The following DOCK7 variants were observed in gnomAD, a reference collection of about 807,000 sequenced individuals.
DOCK7 encodes dedicator of cytokinesis protein 7.
A neutral mutation model predicts 271.0 loss-of-function variants in DOCK7; 138 were observed. That is an observed-to-expected ratio of 0.51 (90% CI 0.44 to 0.59). The LOEUF is 0.59. Ranked by LOEUF, DOCK7 falls within the 20% of genes least tolerant of loss-of-function variation. The pLI is 0.00. For synonymous variants in DOCK7, 823 were observed against 876.1 expected, an observed-to-expected ratio of 0.94 and a Z score of 1.07; for missense variants, 2,066 against 2,592.4, an observed-to-expected ratio of 0.80 and a Z score of 4.41.
At chr1:62,643,546 A>G (rs1656290717) in intron 7 of DOCK7, among the ~76,000 whole-genome samples, 1 of 152,132 alleles carries the variant, frequency 6.6e-6, no homozygotes, top group South Asian at 2.1e-4. Flanking sequence ...CGCTTTTAAT[A>G]CAGTTTCTTG....
chr1:62,493,696 G>C (rs1004688313), intron 40 of DOCK7, among the ~76,000 whole-genome samples: 1 of 152,050 alleles, frequency 6.6e-6, no homozygotes, highest in Non-Finnish European at 1.5e-5. Context: ...TTTGCATTCT[G>C]ATTTCATCAG....
intron 7 of DOCK7, among the ~76,000 whole-genome samples, chr1:62,639,426 C>CTTTTTTTTT (rs386367151): frequency 4.0e-5 from 3 of 75,862 alleles, no homozygotes; most frequent in African/African-American, 1.8e-4. Context: ...TTGTAATACT[C>CTTTTTTTTT]TTTTTTTTTT....
chr1:62,601,265 C>G, intron 14 of DOCK7: 1 of 1,083,740 alleles, frequency 9.2e-7, no homozygotes, highest in Non-Finnish European at 1.4e-6. Flanking sequence ...AGGACTTGTT[C>G]TAGACTAAAA....
rs180990501 is a variant in DOCK7 at position 62,571,469 on chromosome 1, T to A, written c.2112+5793A>T. Among the ~76,000 whole-genome samples, 50 of 152,292 alleles carry A rather than the reference T, an allele frequency of 3.3e-4. 1 individual carries two copies. Among genetic ancestry groups the A allele is most frequent in the Admixed American group, 3.3e-3 (50 of 15,302 alleles). Reference sequence around the variant, plus strand: ...ACTGTTGGTGGGAGGGTAAATTAGTTCAATAATTGTGGAAAACATTGTGGA... The same window carrying A: ...ACTGTTGGTGGGAGGGTAAATTAGTACAATAATTGTGGAAAACATTGTGGA... On this transcript the variant is annotated intron_variant, in intron 18 of 49. Transcript: ENST00000635253.
intron 1 of DOCK7, among the ~76,000 whole-genome samples, chr1:62,684,110 A>G (rs1400335735): frequency 6.6e-6 from 1 of 151,850 alleles, no homozygotes; most frequent in African/African-American, 2.4e-5. Flanking sequence ...CGTGGTGACG[A>G]GGACAGGAGA....
chr1:62,638,557 TTTTTCATGAATATATA>T lies in DOCK7; in HGVS notation c.819-1970_819-1955del, dbSNP rs1249237331. Reference sequence around the variant, plus strand: ...TATATATTTTCATGAATATATATATTTTTTCATGAATATATATTTTCATGAATATATATTTTCATGA... The same window carrying T: ...TATATATTTTCATGAATATATATATTTTTTCATGAATATATATTTTCATGA... On this transcript the variant is annotated intron_variant, in intron 7 of 49. Coordinates refer to ENST00000635253, the MANE Select transcript of DOCK7 (RefSeq NM_001367561.1). Among the ~76,000 whole-genome samples the T allele has an allele frequency of 4.7e-3, 690 of 146,306 alleles. 2 individuals are homozygous for T. The highest frequency in any genetic ancestry group is 0.011 in the African/African-American group (434 of 40,302).
intron 27 of DOCK7, among the ~76,000 whole-genome samples, chr1:62,538,328 A>G (rs1339085259): frequency 6.6e-6 from 1 of 152,224 alleles, no homozygotes; most frequent in Non-Finnish European, 1.5e-5. Flanking sequence ...TACTTCTCAT[A>G]AAACAGGGAA....
intron 14 of DOCK7, among the ~76,000 whole-genome samples, chr1:62,586,838 T>C (rs183353223): frequency 3.7e-4 from 57 of 152,218 alleles, no homozygotes; most frequent in Middle Eastern, 6.8e-3. Context: ...GCAGATAAAT[T>C]GAGATTCAGA....
rs139197920 is a variant in DOCK7, at chr1:62,455,487, T to C, written c.6381-31A>G. ...AAAAAAATGAGAGGACATAGTTAGT[T>C]AAAGAGAACAATTTTTGCATATACC... On this transcript the variant is annotated intron_variant, in intron 49 of 49. Coordinates refer to ENST00000635253, the MANE Select transcript of DOCK7 (RefSeq NM_001367561.1). The C allele has an allele frequency of 2.5e-6, 4 of 1,606,590 alleles. No individual in the cohort carries two copies. The East Asian group carries it at 8.9e-5, about 36-fold the overall frequency.
At chr1:62,656,802 CG>C (rs988214118) in intron 2 of DOCK7, among the ~76,000 whole-genome samples, 1 of 103,128 alleles carries the variant, frequency 9.7e-6, no homozygotes, top group Non-Finnish European at 2.0e-5. Flanking sequence ...GTGGGAGGGC[CG>C]GGGGGTGGGG....
intron 37 of DOCK7, among the ~76,000 whole-genome samples, chr1:62,498,053 A>G (rs2149306346): frequency 6.6e-6 from 1 of 150,802 alleles, no homozygotes. Context: ...ACTGAGGCCC[A>G]AAGTTTGAGA....
At chr1:62,468,569 C>T (rs1173466281) in intron 48 of DOCK7, among the ~76,000 whole-genome samples, 1 of 152,022 alleles carries the variant, frequency 6.6e-6, no homozygotes. Context: ...CCAGAGCAAT[C>T]AGACAAGAGA....
rs773760383 is a variant in DOCK7 at position 62,622,293 on chromosome 1, C to G, written c.1426-2300G>C. Among the ~76,000 whole-genome samples, 27 of 152,100 alleles carry G rather than the reference C, an allele frequency of 1.8e-4. 1 individual carries two copies. The highest frequency in any genetic ancestry group is 2.9e-5 in the Non-Finnish European group (2 of 68,016). ...GTTCACTGGAGTAGTCTAGCTGATA[C>G]CCTTTCCTCTACATTGGTTGTTTAC... On this transcript the variant is annotated intron_variant, in intron 12 of 49. Coordinates refer to ENST00000635253, the MANE Select transcript of DOCK7 (RefSeq NM_001367561.1).
At chr1:62,473,261 C>G (rs1645880327) in intron 48 of DOCK7, among the ~76,000 whole-genome samples, 2 of 152,076 alleles carry the variant, frequency 1.3e-5, no homozygotes, top group African/African-American at 2.4e-5. Flanking sequence ...CCTGGAAAAG[C>G]ACAATTAATG....
intron 48 of DOCK7, among the ~76,000 whole-genome samples, chr1:62,468,466 G>A (rs1030628561): frequency 6.6e-6 from 1 of 151,740 alleles, no homozygotes; most frequent in Admixed American, 6.6e-5. Context: ...AATACTGAAT[G>A]GGGAAAAGCT....
At chr1:62,681,608 G>A (rs551121864) in intron 1 of DOCK7, among the ~76,000 whole-genome samples, 48 of 151,538 alleles carry the variant, frequency 3.2e-4, no homozygotes, top group Non-Finnish European at 5.3e-4. Flanking sequence ...TTGCAAGGGT[G>A]GCTATACCCT....
At chr1:62,536,429 T>A (rs1044956870) in intron 28 of DOCK7, among the ~76,000 whole-genome samples, 9 of 152,200 alleles carry the variant, frequency 5.9e-5, no homozygotes, top group African/African-American at 2.2e-4. Flanking sequence ...TATGTTTCCT[T>A]AAGGGTGTTA....
intron 37 of DOCK7, among the ~76,000 whole-genome samples, chr1:62,504,046 C>CAA (rs11297853): frequency 8.3e-6 from 1 of 120,528 alleles, no homozygotes; most frequent in African/African-American, 3.3e-5. Context: ...GACTCCGTCT[C>CAA]AAAAAAAAAA....
At chr1:62,651,499 C>G in intron 4 of DOCK7, among the ~76,000 whole-genome samples, 1 of 122,854 alleles carries the variant, frequency 8.1e-6, no homozygotes. Flanking sequence ...GGCTCGCAGA[C>G]CTCTGTAAGG....
Sources: gnomAD v4.1 joint callset for allele counts (sites outside exome capture counted in the v4.1 genomes callset) on GRCh38, gnomAD v4.1.1 for gene constraint, MANE v1.5 for transcripts, NCBI Gene and HGNC (gene_info 2026-07-23, HGNC 2026-07-21) for gene names.